CLNK: variants seen among roughly 807,000 people sequenced by gnomAD.
The protein encoded by CLNK is cytokine-dependent hematopoietic cell linker.
Under a neutral mutation model 68.6 loss-of-function variants are expected in CLNK, and 74 were observed. The observed-to-expected ratio is 1.08, with a 90% CI of 0.89 to 1.31. The LOEUF is 1.31. CLNK is among the 50% of genes most tolerant of loss of function. The pLI, the probability that CLNK is intolerant of heterozygous loss-of-function variation, is 0.00. For synonymous variants in CLNK, 198 were observed against 172.2 expected (o/e 1.15, Z -1.17); for missense variants, 553 against 515.3 (o/e 1.07, Z -0.71).
upstream of CLNK, among the ~76,000 whole-genome samples, chr4:10,688,824 C>T (rs1725359100): frequency 6.6e-6 from 1 of 152,076 alleles, no homozygotes; most frequent in East Asian, 1.9e-4. Flanking sequence ...AAGAAACTGA[C>T]ATTTTTATCT....
intron 18 of CLNK, among the ~76,000 whole-genome samples, chr4:10,500,713 C>T (rs1017870227): frequency 2.0e-5 from 3 of 151,192 alleles, no homozygotes; most frequent in Non-Finnish European, 4.4e-5. Flanking sequence ...CTGGCATATA[C>T]ATAGTCAGTG....
At chr4:10,559,338 G>T (rs1359169564) in intron 7 of CLNK, among the ~76,000 whole-genome samples, 1 of 152,086 alleles carries the variant, frequency 6.6e-6, no homozygotes, top group African/African-American at 2.4e-5. Flanking sequence ...GAAAGGGCGT[G>T]GCCCTTCTTC....
At chr4:10,665,262 G>C (rs10009156) in intron 2 of CLNK, among the ~76,000 whole-genome samples, 54,116 of 152,062 alleles carry the variant, frequency 0.36, 9,835 homozygotes, top group African/African-American at 0.43. Context: ...GAGAAGCCAT[G>C]TTCAACAGAG....
chr4:10,526,537 TAAG>T (rs1359700385), intron 13 of CLNK, among the ~76,000 whole-genome samples: 5 of 152,284 alleles, frequency 3.3e-5, no homozygotes, highest in East Asian at 3.9e-4. Flanking sequence ...GCTGAGATCT[TAAG>T]AAGAAGAAAG....
intron 17 of CLNK, among the ~76,000 whole-genome samples, chr4:10,504,075 C>T (rs1440843712): frequency 2.6e-4 from 39 of 150,112 alleles, no homozygotes; most frequent in African/African-American, 9.5e-4. Flanking sequence ...GCCATCGCGC[C>T]CGGCTCATTT....
the CLNK span, among the ~76,000 whole-genome samples, chr4:10,719,695 C>G: frequency 1.3e-5 from 2 of 152,092 alleles, no homozygotes; most frequent in Non-Finnish European, 2.9e-5. Context: ...TATAGAAGAA[C>G]TCAACAAAAC....
At chr4:10,566,676 A>G (rs1720127298) in intron 5 of CLNK, among the ~76,000 whole-genome samples, 1 of 152,192 alleles carries the variant, frequency 6.6e-6, no homozygotes, top group South Asian at 2.1e-4. Context: ...AGTAATAACA[A>G]ATTGAAAATA....
chr4:10,536,298 C>T (rs1000250992), intron 11 of CLNK, among the ~76,000 whole-genome samples: 12 of 152,180 alleles, frequency 7.9e-5, no homozygotes, highest in South Asian at 6.2e-4. Flanking sequence ...CTGCATGGTT[C>T]GGCTGCAGAA....
chr4:10,567,320 A>G (rs1340459084), intron 5 of CLNK, among the ~76,000 whole-genome samples: 1 of 152,176 alleles, frequency 6.6e-6, no homozygotes, highest in Non-Finnish European at 1.5e-5. Context: ...AAGTGTACTA[A>G]GACAATACAA....
At chr4:10,556,683 C>A (rs1719685053) in intron 8 of CLNK, among the ~76,000 whole-genome samples, 1 of 152,186 alleles carries the variant, frequency 6.6e-6, no homozygotes, top group Non-Finnish European at 1.5e-5. Context: ...GTGGTCTGGT[C>A]TGTGATCCCT....
At chr4:10,700,130 G>A in the CLNK span, among the ~76,000 whole-genome samples, 6 of 152,100 alleles carry the variant, frequency 3.9e-5, no homozygotes, top group South Asian at 2.1e-4. Context: ...GTTTCACAAA[G>A]GGAAGAATGG....
Position 10,585,011 on chromosome 4 carries a change from C to G in CLNK, c.84-56G>C, listed in dbSNP as rs1226286185. 1.9e-6 allele frequency: 3 copies of G among 1,589,024 alleles called. No homozygotes were observed. The East Asian group carries it at 6.8e-5, about 36-fold the overall frequency. On this transcript the variant is annotated intron_variant, in intron 3 of 18. Coordinates refer to ENST00000226951, the MANE Select transcript of CLNK (RefSeq NM_052964.4). ...TCCATTGCTCCACCTCCACCGACCCCCCGCCACATAGGAACAGGCAGTCAT... is the reference window on the plus strand; with the variant it reads ...TCCATTGCTCCACCTCCACCGACCCGCCGCCACATAGGAACAGGCAGTCAT...
At chr4:10,554,111 C>T (rs1273111156) in intron 8 of CLNK, among the ~76,000 whole-genome samples, 4 of 152,168 alleles carry the variant, frequency 2.6e-5, no homozygotes, top group East Asian at 3.9e-4. Flanking sequence ...GTATAGAGGC[C>T]GCTAGTCCCA....
chr4:10,695,406 T>C, the CLNK span, among the ~76,000 whole-genome samples: 1 of 152,320 alleles, frequency 6.6e-6, no homozygotes, highest in African/African-American at 2.4e-5. Context: ...GGAAGGAGAT[T>C]GAAGCTGTGA....
At chr4:10,635,321 T>C (rs1451443293) in intron 2 of CLNK, among the ~76,000 whole-genome samples, 2 of 152,134 alleles carry the variant, frequency 1.3e-5, no homozygotes, top group Non-Finnish European at 2.9e-5. Flanking sequence ...GACAGTGAAG[T>C]GTCAGGAGAT....
chr4:10,719,206 C>G, the CLNK span, among the ~76,000 whole-genome samples: 3 of 151,972 alleles, frequency 2.0e-5, no homozygotes, highest in African/African-American at 7.2e-5. Flanking sequence ...TATCAGTAGT[C>G]ATACTAAGTG....
chr4:10,501,408 C>T lies in CLNK; in HGVS notation c.988G>A (p.Gly330Ser), dbSNP rs1717044427. 1 of 1,606,666 alleles carries T rather than the reference C, an allele frequency of 6.2e-7. No homozygotes were observed. Among genetic ancestry groups the T allele is most frequent in the Non-Finnish European group, 8.5e-7 (1 of 1,177,818 alleles). Residue 330 changes from glycine (G) to serine (S), a missense_variant, in exon 18 of 19, where the codon GGT becomes AGT. Coordinates refer to ENST00000226951, the MANE Select transcript of CLNK (RefSeq NM_052964.4). Reference sequence around the variant, plus strand: ...GAACAATCTCGGACCAAGAAACTACCATCCTGAAGCAAAAAGAGTAACAGT... The same window carrying T: ...GAACAATCTCGGACCAAGAAACTACTATCCTGAAGCAAAAAGAGTAACAGT... ...EEAFMKENKD[G>S]SFLVRDCSTK...
At chr4:10,690,321 A>T in the CLNK span, among the ~76,000 whole-genome samples, 2 of 152,202 alleles carry the variant, frequency 1.3e-5, no homozygotes, top group African/African-American at 4.8e-5. Context: ...ATAAGAGCTC[A>T]TCCGGCAGAG....
chr4:10,700,734 T>A, the CLNK span, among the ~76,000 whole-genome samples: 1 of 152,106 alleles, frequency 6.6e-6, no homozygotes, highest in Non-Finnish European at 1.5e-5. Flanking sequence ...CTAACAAGCA[T>A]GGGTGGGGAA....
Sources: gnomAD v4.1 joint callset for allele counts (sites outside exome capture counted in the v4.1 genomes callset) on GRCh38, gnomAD v4.1.1 for gene constraint, MANE v1.5 for transcripts, NCBI Gene and HGNC (gene_info 2026-07-23, HGNC 2026-07-21) for gene names.